KAZN: variants seen among roughly 807,000 people sequenced by gnomAD.
KAZN encodes kazrin, periplakin interacting protein.
Under a neutral mutation model 87.4 loss-of-function variants are expected in KAZN, and 40 were observed. That is an observed-to-expected ratio of 0.46 (90% CI 0.36 to 0.60). The LOEUF (loss-of-function observed/expected upper bound fraction) is 0.60, where lower values mean the gene tolerates loss of function less well. Among genes scored for constraint, KAZN ranks in the 20% least tolerant of loss-of-function variants. The pLI, the probability that KAZN is intolerant of heterozygous loss-of-function variation, is 0.00. For synonymous variants in KAZN, 466 were observed against 458.3 expected, an observed-to-expected ratio of 1.02 and a Z score of -0.22; for missense variants, 898 against 1,073.9, an observed-to-expected ratio of 0.84 and a Z score of 2.29.
chr1:14,076,333 G>T (rs572753609), intron 1 of KAZN, among the ~76,000 whole-genome samples: 2 of 152,226 alleles, frequency 1.3e-5, no homozygotes, highest in South Asian at 4.2e-4. Flanking sequence ...TGTGAAGAGA[G>T]ATGAAGGTAG....
chr1:14,172,967 C>T (rs944140705), intron 1 of KAZN, among the ~76,000 whole-genome samples: 2 of 152,106 alleles, frequency 1.3e-5, no homozygotes, highest in Non-Finnish European at 2.9e-5. Flanking sequence ...GCAGCTTCTC[C>T]CAGAAGGAGC....
chr1:14,181,175 G>A (rs189977003), intron 2 of KAZN, among the ~76,000 whole-genome samples: 6 of 152,306 alleles, frequency 3.9e-5, no homozygotes, highest in East Asian at 3.9e-4. Flanking sequence ...CTCTTCAGAC[G>A]TGTTGATAGA....
At chr1:14,443,267 C>T (rs1184990428) in intron 2 of KAZN, among the ~76,000 whole-genome samples, 1 of 152,178 alleles carries the variant, frequency 6.6e-6, no homozygotes, top group South Asian at 2.1e-4. Context: ...AGAACAGCTC[C>T]CCAAGGGATT....
At chr1:14,979,417 T>A (rs984117589) in intron 2 of KAZN, among the ~76,000 whole-genome samples, 2 of 151,556 alleles carry the variant, frequency 1.3e-5, no homozygotes, top group African/African-American at 4.8e-5. Context: ...TCAAAAAAAA[T>A]AAATAAATAA....
rs573355145 is a variant in KAZN at position 14,092,655 on chromosome 1, A to T, written c.92-87780A>T. ...CCCTTACACACACACACGCACTGGT[A>T]CCCATGTGGCTTATATTTGAAAAAG... is the stretch of plus-strand genomic sequence containing the variant. On this transcript the variant is annotated intron_variant, in intron 1 of 16. Coordinates refer to the KAZN transcript ENST00000636203. Among the ~76,000 whole-genome samples the T allele has an allele frequency of 1.1e-4, 17 of 152,092 alleles. No homozygotes were observed. In the South Asian group the frequency reaches 3.1e-3, roughly 28 times the overall value.
chr1:14,900,017 A>G (rs904089344), intron 1 of KAZN, among the ~76,000 whole-genome samples: 3 of 152,148 alleles, frequency 2.0e-5, no homozygotes, highest in African/African-American at 7.2e-5. Context: ...GCTGCTTTCA[A>G]AGCAGATCCT....
chr1:14,592,274 G>T (rs561031541), intron 2 of KAZN, among the ~76,000 whole-genome samples: 1 of 152,294 alleles, frequency 6.6e-6, no homozygotes, highest in East Asian at 1.9e-4. Flanking sequence ...GGGATGAGGA[G>T]GGCACACAGG....
chr1:14,216,484 G>A (rs1179009108), intron 2 of KAZN, among the ~76,000 whole-genome samples: 2 of 152,172 alleles, frequency 1.3e-5, no homozygotes. Context: ...GAAGTGCCTA[G>A]AGGTAAGAGA....
intron 2 of KAZN, among the ~76,000 whole-genome samples, chr1:14,440,516 G>A (rs1168863822): frequency 6.6e-6 from 1 of 152,192 alleles, no homozygotes; most frequent in Non-Finnish European, 1.5e-5. Context: ...CCATCCTACT[G>A]AAGCAAGAAC....
chr1:14,781,069 TC>T, intron 1 of KAZN, among the ~76,000 whole-genome samples: 1 of 152,080 alleles, frequency 6.6e-6, no homozygotes, highest in East Asian at 1.9e-4. Context: ...ACACCTGTAA[TC>T]CCAGCACTTT....
intron 1 of KAZN, among the ~76,000 whole-genome samples, chr1:14,087,528 T>C (rs1405041190): frequency 6.6e-6 from 1 of 152,164 alleles, no homozygotes; most frequent in East Asian, 1.9e-4. Context: ...ATCTTCACCT[T>C]GCTCCAGTTC....
chr1:14,366,998 G>A (rs541349870), intron 2 of KAZN, among the ~76,000 whole-genome samples: 17 of 152,342 alleles, frequency 1.1e-4, no homozygotes, highest in African/African-American at 2.6e-4. Context: ...CTGGGAGGCC[G>A]AGGCAGGCAG....
intron 1 of KAZN, among the ~76,000 whole-genome samples, chr1:14,044,895 G>A (rs1311525556): frequency 6.6e-6 from 1 of 152,208 alleles, no homozygotes; most frequent in Non-Finnish European, 1.5e-5. Flanking sequence ...GTCAGAAGAA[G>A]CCTTTCAGCT....
At chr1:13,920,965 A>G (rs149398980) in intron 1 of KAZN, among the ~76,000 whole-genome samples, 1 of 152,080 alleles carries the variant, frequency 6.6e-6, no homozygotes, top group African/African-American at 2.4e-5. Context: ...GCTCAGAGGA[A>G]TGTGCACATA....
intron 2 of KAZN, among the ~76,000 whole-genome samples, chr1:14,993,615 A>C (rs1667572210): frequency 6.6e-6 from 1 of 151,804 alleles, no homozygotes; most frequent in Non-Finnish European, 1.5e-5. Flanking sequence ...CCCCGCCGCC[A>C]CCCCCCTGCT....
intron 4 of KAZN, among the ~76,000 whole-genome samples, chr1:15,052,451 T>C (rs1674508319): frequency 6.6e-6 from 1 of 151,968 alleles, no homozygotes; most frequent in Non-Finnish European, 1.5e-5. Context: ...TCCCACTAGG[T>C]CCCTCCCATG....
intron 1 of KAZN, among the ~76,000 whole-genome samples, chr1:14,808,290 C>CTTTTTT (rs57548450): frequency 1.5e-4 from 13 of 88,090 alleles, no homozygotes; most frequent in East Asian, 2.5e-4. Context: ...AAAGAGGTTT[C>CTTTTTT]TTTTTTTTTT....
chr1:14,619,596 C>T (rs1678533641), intron 1 of KAZN, among the ~76,000 whole-genome samples: 2 of 152,148 alleles, frequency 1.3e-5, no homozygotes, highest in Admixed American at 1.3e-4. Context: ...GTTAAAAGTA[C>T]TTTCACGATG....
chr1:14,480,996 G>T (rs1444853314), intron 2 of KAZN, among the ~76,000 whole-genome samples: 1 of 150,724 alleles, frequency 6.6e-6, no homozygotes, highest in Non-Finnish European at 1.5e-5. Context: ...AGATGGAAAG[G>T]CAATGATGAC....
Sources: gnomAD v4.1 joint callset for allele counts (sites outside exome capture counted in the v4.1 genomes callset) on GRCh38, gnomAD v4.1.1 for gene constraint, MANE v1.5 for transcripts, NCBI Gene and HGNC (gene_info 2026-07-23, HGNC 2026-07-21) for gene names.